Variants in SLC2A9 observed in about 807,000 individuals in gnomAD.
SLC2A9 encodes the protein solute carrier family 2, facilitated glucose transporter member 9.
In SLC2A9, 39 loss-of-function variants were observed where a neutral mutation model predicts 50.6. The observed-to-expected ratio is 0.77, with a 90% CI of 0.60 to 1.01. The LOEUF (loss-of-function observed/expected upper bound fraction) is 1.01. Ranked by LOEUF, SLC2A9 falls within the 50% of genes least tolerant of loss-of-function variation. The probability of loss-of-function intolerance (pLI) is 0.00; values close to 1 mark genes in which losing one functional copy is unlikely to be tolerated. For synonymous variants in SLC2A9, 324 were observed against 276.9 expected (o/e 1.17, Z -1.69); for missense variants, 686 against 677.6 (o/e 1.01, Z -0.14).
At chr4:9,871,783 C>T (rs1733477453) in intron 10 of SLC2A9, among the ~76,000 whole-genome samples, 1 of 152,224 alleles carries the variant, frequency 6.6e-6, no homozygotes, top group African/African-American at 2.4e-5. Flanking sequence ...ACTTCAGGGG[C>T]ACCTGCCCCA....
At chr4:9,989,779 T>C (rs1757371099) in intron 3 of SLC2A9, among the ~76,000 whole-genome samples, 1 of 151,998 alleles carries the variant, frequency 6.6e-6, no homozygotes, top group African/African-American at 2.4e-5. Context: ...AAATATCCCA[T>C]CTAGCTTCCT....
chr4:9,790,312 C>T (rs1216138656), intron 3 of SLC2A9, among the ~76,000 whole-genome samples: 1 of 152,210 alleles, frequency 6.6e-6, no homozygotes, highest in African/African-American at 2.4e-5. Flanking sequence ...TTCCTGTGCT[C>T]TTCCAATGGC....
At chr4:9,928,547 C>T (rs534073703) in intron 6 of SLC2A9, among the ~76,000 whole-genome samples, 139 of 152,274 alleles carry the variant, frequency 9.1e-4, no homozygotes, top group Non-Finnish European at 1.5e-3. Context: ...GCCTGGCCAA[C>T]GTGGTGAAAC....
chr4:9,809,385 A>G (rs1722551011), intron 3 of SLC2A9, among the ~76,000 whole-genome samples: 1 of 152,182 alleles, frequency 6.6e-6, no homozygotes, highest in South Asian at 2.1e-4. Flanking sequence ...ATTGGAGCGA[A>G]CAGGGTTGGG....
At chr4:10,027,693 G>A (rs942748769) in intron 1 of SLC2A9, among the ~76,000 whole-genome samples, 3 of 152,056 alleles carry the variant, frequency 2.0e-5, no homozygotes, top group African/African-American at 7.2e-5. Flanking sequence ...CTTTGGTAAT[G>A]GGGGTAGAAC....
chr4:9,991,910 G>A (rs1016423413), intron 3 of SLC2A9, among the ~76,000 whole-genome samples: 1 of 152,212 alleles, frequency 6.6e-6, no homozygotes, highest in African/African-American at 2.4e-5. Flanking sequence ...ATTCTGATAT[G>A]GCAGCCTGGG....
chr4:9,859,843 G>A (rs761865015), intron 10 of SLC2A9, among the ~76,000 whole-genome samples: 3 of 152,152 alleles, frequency 2.0e-5, no homozygotes, highest in African/African-American at 4.8e-5. Flanking sequence ...TTGCAGAACC[G>A]GCAGCCCCAG....
Position 9,834,994 on chromosome 4 carries a change from T to A in SLC2A9, c.1306A>T (p.Ile436Phe). Residue 436 changes from isoleucine (I) to phenylalanine (F), a missense_variant, in exon 11 of 12, where the codon ATC becomes TTC. Physicochemically the swap from Ile to Phe is conservative, Grantham distance 21 (BLOSUM62 0). Transcript: ENST00000264784. ...FCSGPGGIPF[I>F]LTGEFFQQSQ... ...TGCTGGAAGAACTCACCAGTCAAGA[T>A]GAACGGGATGCCACCTGCAGTGTGT... 1.2e-6 allele frequency: 2 copies of A among 1,613,506 alleles called. No individual in the cohort carries two copies. The highest frequency in any genetic ancestry group is 1.7e-6 in the Non-Finnish European group (2 of 1,179,978).
At chr4:10,033,323 A>G (rs1373396175) in intron 1 of SLC2A9, among the ~76,000 whole-genome samples, 2 of 151,942 alleles carry the variant, frequency 1.3e-5, no homozygotes, top group Admixed American at 6.6e-5. Flanking sequence ...AGGCTCATCT[A>G]TCTACTCCCA....
chr4:9,894,623 A>C (rs1485561298), intron 8 of SLC2A9, among the ~76,000 whole-genome samples: 1 of 152,238 alleles, frequency 6.6e-6, no homozygotes, highest in Admixed American at 6.5e-5. Flanking sequence ...GCAATTTTTC[A>C]TAACTGTGTA....
rs117348803 is a variant in SLC2A9, at chr4:9,993,930, C to T, written c.410+2851G>A. Among the ~76,000 whole-genome samples, 1,208 of 152,342 alleles carry T rather than the reference C, an allele frequency of 7.9e-3. 38 individuals are homozygous for T. The highest frequency in any genetic ancestry group is 0.074 in the East Asian group (382 of 5,188). ...CATTCCCTAGCTAGGAACAGCCCCACTGCTGGAGCAGCCAGTGACCAGCCC... is the reference window on the plus strand; with the variant it reads ...CATTCCCTAGCTAGGAACAGCCCCATTGCTGGAGCAGCCAGTGACCAGCCC... On this transcript the variant is annotated intron_variant, in intron 3 of 11. Transcript: ENST00000264784.
At chr4:9,771,279 T>A (rs1378881516) in exon 2 of SLC2A9, 2 of 386,262 alleles carry the variant, frequency 5.2e-6, no homozygotes, top group Admixed American at 4.5e-5. Context: ...ATCTGGAGTG[T>A]GATGCAGGTC....
chr4:10,039,560 C>A (rs1764213558), intron 1 of SLC2A9, among the ~76,000 whole-genome samples: 1 of 152,224 alleles, frequency 6.6e-6, no homozygotes. Context: ...TAACTTGCCT[C>A]ATCCTCCTCG....
downstream of SLC2A9, among the ~76,000 whole-genome samples, chr4:9,795,007 CTTTTTTTTTT>C (rs3060726): frequency 3.2e-5 from 3 of 95,184 alleles, no homozygotes; most frequent in African/African-American, 1.2e-4. Context: ...TTAACCCATC[CTTTTTTTTTT>C]TTTTTTTTTT....
chr4:9,857,959 G>A (rs1730989801), intron 10 of SLC2A9, among the ~76,000 whole-genome samples: 2 of 152,200 alleles, frequency 1.3e-5, no homozygotes, highest in African/African-American at 2.4e-5. Flanking sequence ...GTACCTAGGG[G>A]AACAAACTTA....
chr4:9,855,300 T>G (rs1302470931), intron 10 of SLC2A9, among the ~76,000 whole-genome samples: 1 of 152,190 alleles, frequency 6.6e-6, no homozygotes, highest in Non-Finnish European at 1.5e-5. Flanking sequence ...ACCAGTAGCA[T>G]TTCTGTACAC....
chr4:9,950,762 G>A (rs1750082263), intron 5 of SLC2A9, among the ~76,000 whole-genome samples: 1 of 33,358 alleles, frequency 3.0e-5, no homozygotes, highest in Non-Finnish European at 4.9e-5. Flanking sequence ...GCGTGGTAGC[G>A]GGCGCCTGTA....
At chr4:9,824,542 G>A (rs925810501), downstream of SLC2A9, among the ~76,000 whole-genome samples, 1 of 152,138 alleles carries the variant, frequency 6.6e-6, no homozygotes, top group Non-Finnish European at 1.5e-5. Flanking sequence ...CCTGTGGCAT[G>A]TTTCTATATC....
chr4:9,809,076 T>C (rs1271531364), intron 3 of SLC2A9, among the ~76,000 whole-genome samples: 1 of 152,230 alleles, frequency 6.6e-6, no homozygotes, highest in East Asian at 1.9e-4. Context: ...TGGGAAAATC[T>C]GTTCATTTTC....
Sources: allele counts gnomAD v4.1 joint callset (sites outside exome capture counted in the v4.1 genomes callset), GRCh38; gene constraint gnomAD v4.1.1; transcripts MANE v1.5; gene names NCBI Gene and HGNC (gene_info 2026-07-23, HGNC 2026-07-21).